Variants in GOT1L1 observed in about 807,000 individuals in gnomAD.
GOT1L1 encodes the protein glutamic-oxaloacetic transaminase 1 like 1.
In GOT1L1, 38 loss-of-function variants were observed where a neutral mutation model predicts 43.6. The observed-to-expected ratio is 0.87, with a 90% confidence interval of 0.67 to 1.14. The LOEUF (loss-of-function observed/expected upper bound fraction) is 1.14. GOT1L1 is among the 50% of genes most tolerant of loss of function. The probability of loss-of-function intolerance (pLI) is 0.00; values close to 1 mark genes in which losing one functional copy is unlikely to be tolerated. For missense variants in GOT1L1, 482 were observed against 504.0 expected, an observed-to-expected ratio of 0.96 and a Z score of 0.42; for synonymous variants, 183 against 187.2, an observed-to-expected ratio of 0.98 and a Z score of 0.18.
chr8:37,936,885 A>C lies in GOT1L1; in HGVS notation c.613-15T>G. The C allele has an allele frequency of 1.2e-6, 2 of 1,611,940 alleles. No individual in the cohort carries two copies. Among genetic ancestry groups the C allele is most frequent in the Non-Finnish European group, 1.7e-6 (2 of 1,178,130 alleles). Reference sequence around the variant, plus strand: ...ATCTGCTTGCTCTGTAGGAGAAAGGAGAACAAAAAAAGAATGAGACAGATG... The same window carrying C: ...ATCTGCTTGCTCTGTAGGAGAAAGGCGAACAAAAAAAGAATGAGACAGATG... On this transcript the variant is annotated splice_polypyrimidine_tract_variant and intron_variant, in intron 5 of 8. Transcript: ENST00000307599.
chr8:37,937,213 G>T lies in GOT1L1; in HGVS notation c.519+64C>A, dbSNP rs1393622541. 3.2e-6 allele frequency: 4 copies of T among 1,248,044 alleles called. No individual in the cohort carries two copies. The African/African-American group carries it at 4.5e-5, about 14-fold the overall frequency. 77.3% of individuals were successfully genotyped at this position (1,248,044 alleles called of 1,614,324 possible). On this transcript the variant is annotated intron_variant, in intron 4 of 8. Coordinates refer to ENST00000307599, the MANE Select transcript of GOT1L1 (RefSeq NM_152413.3). Reference sequence around the variant, plus strand: ...TCTTGGATGACTTAAGAGGTGTGGGGAGGAGAGGAACATTAGGCTGTAAGT... The same window carrying T: ...TCTTGGATGACTTAAGAGGTGTGGGTAGGAGAGGAACATTAGGCTGTAAGT...
chr8:37,934,985 A>G, intron 8 of GOT1L1, 88 bp downstream of exon 8: 1 of 1,432,504 alleles, frequency 7.0e-7, no homozygotes, highest in Non-Finnish European at 9.7e-7. Context: ...GAGTGAAGCT[A>G]GGAACTGGTC....
chr8:37,938,616 G>T, intron 2 of GOT1L1, 84 bp downstream of exon 2: 1 of 1,279,130 alleles, frequency 7.8e-7, no homozygotes, highest in Non-Finnish European at 1.1e-6. Flanking sequence ...GGCCCTCCGA[G>T]GTCCCCTTCG....
At chr8:37,935,378 A>T (rs1458517042) in intron 7 of GOT1L1, among the ~76,000 whole-genome samples, 163 bp from the exon 8 acceptor site, 2 of 152,018 alleles carry the variant, frequency 1.3e-5, no homozygotes, top group Non-Finnish European at 2.9e-5. Flanking sequence ...ATATTCATTT[A>T]AGCAAACCAG....
chr8:37,936,780 C>A lies in GOT1L1; in HGVS notation c.703G>T (p.Val235Leu), dbSNP rs770649204. The A allele has an allele frequency of 1.5e-5, 25 of 1,613,038 alleles. No individual in the cohort carries two copies. The highest frequency in any genetic ancestry group is 2.0e-5 in the Non-Finnish European group (23 of 1,179,122). The change falls in exon 6 of 9, where the codon GTG (valine) becomes TTG (leucine). Residue 235 changes from valine (V) to leucine (L), a missense_variant. Physicochemically the swap from Val to Leu is conservative, Grantham distance 32. Transcript: ENST00000307599. ...CAGAAGAACTCAAAGCCTTGAGACA[C>A]AAAGTATTGTAAGATTCTAGTATCT... ...EEDTRILQYF[V>L]SQGFEFFCSQ... is the part of the protein sequence containing the mutation.
rs202201309 is a variant in GOT1L1 at position 37,937,327 on chromosome 8, C to T, written c.469G>A (p.Asp157Asn). Residue 157 changes from aspartate to asparagine, a missense_variant, in exon 4 of 9, where the codon GAC becomes AAC. By Grantham distance (23) the Asp-to-Asn change is conservative. Coordinates refer to ENST00000307599, the MANE Select transcript of GOT1L1 (RefSeq NM_152413.3). ...GFTVYEYSVWDPKKLCMDPDI... is the reference protein window; with the variant it reads ...GFTVYEYSVWNPKKLCMDPDI... ...GGGTCCATGCATAGCTTCTTGGGGT[C>T]CCAGACAGAGTATTCATAAACTGTA... The T allele has an allele frequency of 6.1e-4, 984 of 1,610,736 alleles. 1 individual carries two copies. The highest frequency in any genetic ancestry group is 7.6e-4 in the Non-Finnish European group (897 of 1,178,730).
intron 7 of GOT1L1, 143 bp from the exon 8 acceptor site, chr8:37,935,358 G>C: frequency 1.1e-6 from 1 of 905,074 alleles, no homozygotes; most frequent in South Asian, 1.8e-5. Context: ...TGGGAGGGAG[G>C]TTTGATCTCA....
chr8:37,934,311 C>A lies in GOT1L1; in HGVS notation c.1248G>T (p.Leu416=). 6.2e-7 allele frequency: 1 copy of A among 1,611,188 alleles called. No homozygotes were observed. Among genetic ancestry groups the A allele is most frequent in the Middle Eastern group, 1.7e-4 (1 of 6,044 alleles). ...EMCLPKEKKT[L]IGIKL The stretch of plus-strand genomic sequence containing the variant: ...GCAAAGACTAAAGTTTTATTCCAAT[C>A]AGTGTTTTTTTTTCCTTTGGAAGAC... Residue 416 remains leucine (L), a synonymous_variant, in exon 9 of 9, where the codon CTG becomes CTT. Transcript: ENST00000307599.
chr8:37,934,634 A>G (rs1807696284), intron 8 of GOT1L1, 148 bp from the exon 9 acceptor site: 5 of 673,070 alleles, frequency 7.4e-6, no homozygotes, highest in Non-Finnish European at 1.3e-5. Flanking sequence ...TCAATGGTGC[A>G]ATCTTGGCTC....
chr8:37,934,861 C>A, intron 8 of GOT1L1: 1 of 608,134 alleles, frequency 1.6e-6, no homozygotes, highest in Non-Finnish European at 2.8e-6. Flanking sequence ...CAGGCATGAG[C>A]CACTGCACCG....
In GOT1L1 at chr8:37,937,648, A is replaced by G. The variant is rs1453768753; in HGVS notation, c.399T>C (p.Ser133=). 3 of 1,607,068 alleles carry G rather than the reference A, an allele frequency of 1.9e-6. No individual in the cohort carries two copies. The African/African-American group carries it at 4.0e-5, about 21-fold the overall frequency. Residue 133 remains serine, a synonymous_variant, in exon 3 of 9, where the codon TCT becomes TCC. Coordinates refer to ENST00000307599, the MANE Select transcript of GOT1L1 (RefSeq NM_152413.3). ...HKDARIVYII[S]SQKELHGLVF... is the part of the protein sequence containing the mutation. ...TTGGGTAAGACTAACCTTTTTGAGA[A>G]GAGATGATGTAAACTATACGAGCAT... is the stretch of plus-strand genomic sequence containing the variant.
chr8:37,939,982 T>C lies in GOT1L1; in HGVS notation c.48A>G (p.Leu16=). The C allele has an allele frequency of 6.2e-7, 1 of 1,613,340 alleles. No individual in the cohort carries two copies. Among genetic ancestry groups the C allele is most frequent in the Non-Finnish European group, 8.5e-7 (1 of 1,179,368 alleles). Residue 16 remains leucine (L), a synonymous_variant, in exon 1 of 9, where the codon CTA becomes CTG. Transcript: ENST00000307599. ...VFMDVPLAHK[L]EGSLLKTYKQ... ...TGTAGGTCTTTAACAAGCTGCCCTC[T>C]AGCTTGTGGGCGAGGGGCACATCCA...
At chr8:37,935,320 G>T in intron 7 of GOT1L1, 105 bp from the exon 8 acceptor site, 2 of 1,141,814 alleles carry the variant, frequency 1.8e-6, no homozygotes, top group Non-Finnish European at 2.5e-6. Flanking sequence ...CTCCAACAGA[G>T]TGCCAGAGGC....
At chr8:37,939,100 C>A (rs1049138464) in intron 1 of GOT1L1, 1 of 466,090 alleles carries the variant, frequency 2.1e-6, no homozygotes, top group Non-Finnish European at 4.0e-6. Context: ...ACAACTGAAA[C>A]CTATGCCATT....
At chr8:37,939,854 G>C in intron 1 of GOT1L1, 61 bp downstream of exon 1, 1 of 1,522,828 alleles carries the variant, frequency 6.6e-7, no homozygotes, top group Non-Finnish European at 8.9e-7. Flanking sequence ...AGGGAACACT[G>C]TCCTCCTAGA....
In GOT1L1 at chr8:37,936,735, T is replaced by G. The variant is rs963018916; in HGVS notation, c.748A>C (p.Asn250His). Reference sequence around the variant, plus strand: ...TGTACCATACCATAAATGCCAAAATTCTTGGACAGAGACTGGCTGCAGAAG... The same window carrying G: ...TGTACCATACCATAAATGCCAAAATGCTTGGACAGAGACTGGCTGCAGAAG... Reference protein sequence around the residue: ...EFFCSQSLSKNFGIYDEGVGM... With the variant: ...EFFCSQSLSKHFGIYDEGVGM... The change falls in exon 6 of 9, where the codon AAT (asparagine) becomes CAT (histidine). Residue 250 changes from asparagine to histidine, a missense_variant. Physicochemically the swap from Asn to His is moderately conservative, Grantham distance 68 (BLOSUM62 1). Coordinates refer to ENST00000307599, the MANE Select transcript of GOT1L1 (RefSeq NM_152413.3). 4 of 1,611,536 alleles carry G rather than the reference T, an allele frequency of 2.5e-6. No individual in the cohort carries two copies. The African/African-American group carries it at 4.0e-5, about 16-fold the overall frequency.
Position 37,935,070 on chromosome 8 carries a change from T to C in GOT1L1, c.1072+3A>G, listed in dbSNP as rs143609103. On this transcript the variant is annotated splice_donor_region_variant and intron_variant, in intron 8 of 8. Transcript: ENST00000307599. ...GGGGGACACCAGCCCCCTAGACCCT[T>C]ACAGTTGAGTCCAAGATAGCCGTGG... is the stretch of plus-strand genomic sequence containing the variant. 1.2e-6 allele frequency: 2 copies of C among 1,613,834 alleles called. No homozygotes were observed. The highest frequency in any genetic ancestry group is 1.7e-6 in the Non-Finnish European group (2 of 1,179,800).
intron 7 of GOT1L1, 48 bp downstream of exon 7, chr8:37,935,656 G>T: frequency 1.1e-5 from 16 of 1,478,326 alleles, no homozygotes; most frequent in Non-Finnish European, 1.4e-5. Flanking sequence ...AGGTCTGCAG[G>T]CACCCAGGGC....
chr8:37,938,588 C>A, intron 2 of GOT1L1, 112 bp downstream of exon 2: 1 of 934,818 alleles, frequency 1.1e-6, no homozygotes. Context: ...TCAGGTATCT[C>A]TTTTATCAAT....
Sources: gnomAD v4.1 joint callset for allele counts (sites outside exome capture counted in the v4.1 genomes callset) on GRCh38, gnomAD v4.1.1 for gene constraint, MANE v1.5 for transcripts, NCBI Gene and HGNC (gene_info 2026-07-23, HGNC 2026-07-21) for gene names.